Variants in DENND1B observed in about 807,000 individuals in gnomAD.
DENND1B encodes DENN domain-containing protein 1B.
A neutral mutation model predicts 90.1 loss-of-function variants in DENND1B; 59 were observed. The ratio of observed to expected loss-of-function variants is 0.65; its 90% CI spans 0.53 to 0.81. The LOEUF (loss-of-function observed/expected upper bound fraction) is 0.81. DENND1B is among the 40% of genes least tolerant of loss of function. The pLI, the probability that DENND1B is intolerant of heterozygous loss-of-function variation, is 0.00. For missense variants in DENND1B, 862 were observed against 912.6 expected, an observed-to-expected ratio of 0.94 and a Z score of 0.71; for synonymous variants, 337 against 324.6, an observed-to-expected ratio of 1.04 and a Z score of -0.41.
At chr1:197,707,154 C>T (rs1004622817) in intron 3 of DENND1B, among the ~76,000 whole-genome samples, 1 of 152,138 alleles carries the variant, frequency 6.6e-6, no homozygotes, top group Non-Finnish European at 1.5e-5. Flanking sequence ...TGAAATAAGT[C>T]AGGCACAGAA....
intron 2 of DENND1B, among the ~76,000 whole-genome samples, chr1:197,739,763 C>T (rs1276867918): frequency 6.6e-6 from 1 of 151,844 alleles, no homozygotes; most frequent in African/African-American, 2.4e-5. Context: ...AGAAACCAAC[C>T]CAATAAAGAA....
intron 2 of DENND1B, among the ~76,000 whole-genome samples, chr1:197,767,680 A>C (rs1269389576): frequency 6.6e-6 from 1 of 152,216 alleles, no homozygotes; most frequent in Non-Finnish European, 1.5e-5. Context: ...ACTAAATATG[A>C]AGATGCAAAT....
chr1:197,602,375 A>G (rs1676288563), intron 13 of DENND1B, among the ~76,000 whole-genome samples: 1 of 151,482 alleles, frequency 6.6e-6, no homozygotes, highest in Admixed American at 6.6e-5. Flanking sequence ...GAGGAGAAAA[A>G]GCATGACTAT....
chr1:197,777,286 AT>A (rs1235313291), upstream of DENND1B, among the ~76,000 whole-genome samples: 1 of 152,128 alleles, frequency 6.6e-6, no homozygotes, highest in African/African-American at 2.4e-5. Flanking sequence ...CATTGTTGGG[AT>A]TTTATTTTAA....
intron 2 of DENND1B, among the ~76,000 whole-genome samples, chr1:197,738,006 C>T (rs1036503764): frequency 1.5e-4 from 14 of 92,484 alleles, no homozygotes; most frequent in African/African-American, 4.5e-4. Flanking sequence ...ATTTTCTTCC[C>T]GCAGGTTTTG....
intron 11 of DENND1B, among the ~76,000 whole-genome samples, chr1:197,615,136 G>A (rs1677531090): frequency 6.6e-6 from 1 of 151,076 alleles, no homozygotes; most frequent in Admixed American, 6.6e-5. Flanking sequence ...TGCTGTGTGT[G>A]TGCATGTGTG....
At chr1:197,670,443 C>CTGTG (rs60648023) in intron 5 of DENND1B, among the ~76,000 whole-genome samples, 5,462 of 99,520 alleles carry the variant, frequency 0.055, 265 homozygotes, top group African/African-American at 0.11. Flanking sequence ...GGGGGGAAGA[C>CTGTG]TGTGTGTGTG....
chr1:197,518,817 G>A (rs1668574261), intron 20 of DENND1B, among the ~76,000 whole-genome samples: 1 of 151,866 alleles, frequency 6.6e-6, no homozygotes, highest in Non-Finnish European at 1.5e-5. Flanking sequence ...CAATCTTAGA[G>A]ATTATTATGA....
At chr1:197,555,202 T>C (rs1003776617) in intron 15 of DENND1B, among the ~76,000 whole-genome samples, 1 of 152,034 alleles carries the variant, frequency 6.6e-6, no homozygotes, top group Non-Finnish European at 1.5e-5. Context: ...AATTAAAGAC[T>C]TAAATGTAAG....
intron 2 of DENND1B, among the ~76,000 whole-genome samples, chr1:197,727,371 T>C (rs1399293404): frequency 6.6e-6 from 1 of 151,782 alleles, no homozygotes; most frequent in African/African-American, 2.4e-5. Context: ...CCATCTCTAC[T>C]AAAAATACAA....
chr1:197,697,524 C>A (rs1203524658), intron 3 of DENND1B, among the ~76,000 whole-genome samples: 1 of 151,582 alleles, frequency 6.6e-6, no homozygotes, highest in Non-Finnish European at 1.5e-5. Flanking sequence ...ACTCAGTGAT[C>A]AAAAAATAAG....
intron 3 of DENND1B, chr1:197,689,064 A>C (rs1161089478): frequency 4.7e-6 from 1 of 212,496 alleles, no homozygotes; most frequent in East Asian, 1.1e-4. Context: ...TTTACCAAAA[A>C]CATGATTACA....
chr1:197,579,515 T>A (rs1482431620), intron 15 of DENND1B, among the ~76,000 whole-genome samples: 3 of 151,660 alleles, frequency 2.0e-5, no homozygotes, highest in Admixed American at 2.0e-4. Context: ...GATTCTTTCT[T>A]CTTTATTCAG....
chr1:197,561,751 C>A (rs895187085), intron 15 of DENND1B, among the ~76,000 whole-genome samples: 1 of 151,872 alleles, frequency 6.6e-6, no homozygotes, highest in African/African-American at 2.4e-5. Flanking sequence ...TTAATTGAGA[C>A]AAATACTTCC....
At chr1:197,775,951 T>A (rs1401921198), upstream of DENND1B, among the ~76,000 whole-genome samples, 1 of 152,170 alleles carries the variant, frequency 6.6e-6, no homozygotes, top group African/African-American at 2.4e-5. Context: ...TACCCCCTCC[T>A]GATTCAGGAA....
At chr1:197,689,468 T>C (rs891675688) in intron 3 of DENND1B, 52 of 152,176 alleles carry the variant, frequency 3.4e-4, no homozygotes, top group Non-Finnish European at 3.8e-4. Context: ...CAATATCAAA[T>C]TGACTGTGCT....
intron 2 of DENND1B, among the ~76,000 whole-genome samples, chr1:197,742,926 G>A (rs1018355134): frequency 8.5e-5 from 13 of 152,134 alleles, no homozygotes; most frequent in African/African-American, 2.9e-4. Flanking sequence ...CCAAGAGACA[G>A]AACAAGCAGA....
chr1:197,618,740 C>T (rs1029910971), intron 10 of DENND1B, among the ~76,000 whole-genome samples: 6 of 150,184 alleles, frequency 4.0e-5, no homozygotes, highest in Non-Finnish European at 7.4e-5. Flanking sequence ...TCAAGGTTAC[C>T]GATTAAATTA....
rs1213502120 is a variant in DENND1B at position 197,510,617 on chromosome 1, G to A, written c.2171C>T (p.Ser724Leu). 8.1e-6 allele frequency: 13 copies of A among 1,612,626 alleles called. No homozygotes were observed. Among genetic ancestry groups the A allele is most frequent in the East Asian group, 2.2e-5 (1 of 44,838 alleles). ...TTCTTTCTCCCAAGGAACAAAAGTCGATGAATGCCGCCCAAGACCGGGTAT... is the reference window on the plus strand; with the variant it reads ...TTCTTTCTCCCAAGGAACAAAAGTCAATGAATGCCGCCCAAGACCGGGTAT... ...LLIPGLGRHS[S>L]TFVPWEKEGK... The change falls in exon 23 of 23, where the codon TCG (serine) becomes TTG (leucine). Residue 724 changes from serine to leucine, a missense_variant. Coordinates refer to ENST00000620048, the MANE Select transcript of DENND1B (RefSeq NM_001195215.2).
Sources: allele counts gnomAD v4.1 joint callset (sites outside exome capture counted in the v4.1 genomes callset), GRCh38; gene constraint gnomAD v4.1.1; transcripts MANE v1.5; gene names NCBI Gene and HGNC (gene_info 2026-07-23, HGNC 2026-07-21).